The following CUL4B variants were observed in gnomAD, a reference collection of about 807,000 sequenced individuals.
CUL4B encodes the protein cullin 4B, also known as cullin-4B.
In CUL4B, 1 loss-of-function variant was observed where a neutral mutation model predicts 69.2. The observed-to-expected ratio is 0.01, with a 90% CI of 0.01 to 0.07. The LOEUF (loss-of-function observed/expected upper bound fraction) is 0.07. Ranked by LOEUF, CUL4B falls within the 10% of genes least tolerant of loss-of-function variation. The probability of loss-of-function intolerance (pLI) is 1.00; values close to 1 mark genes in which losing one functional copy is unlikely to be tolerated. For missense variants in CUL4B, 328 were observed against 638.8 expected, an observed-to-expected ratio of 0.51 and a Z score of 5.24; for synonymous variants, 237 against 223.2, an observed-to-expected ratio of 1.06 and a Z score of -0.55.
At chrX:120,547,108 T>G in intron 3 of CUL4B, 28 bp downstream of exon 3, 3 of 1,036,993 alleles carry the variant, frequency 2.9e-6, no homozygotes, top group Non-Finnish European at 4.1e-6. Flanking sequence ...ACAAAACTAT[T>G]CACGATTTTT....
At chrX:120,563,117 A>G (rs189047887), upstream of CUL4B, among the ~76,000 whole-genome samples, 28 of 112,856 alleles carry the variant, frequency 2.5e-4, no homozygotes, top group Admixed American at 2.4e-3. Flanking sequence ...ATTTGATGAC[A>G]GCCTGCTGAA....
intron 2 of CUL4B, among the ~76,000 whole-genome samples, chrX:120,553,461 C>T (rs1924799682): frequency 8.9e-6 from 1 of 112,016 alleles, no homozygotes; most frequent in Non-Finnish European, 1.9e-5. Context: ...CTACAGTTCC[C>T]ATTATTAATA....
At position 120,544,266 on chromosome X, in the gene CUL4B, T is replaced by C. The variant is rs1430523259; in HGVS notation, c.1084-63A>G. 9.1e-6 allele frequency: 8 copies of C among 876,182 alleles called. No individual in the cohort carries two copies. The African/African-American group carries it at 1.4e-4, about 15-fold the overall frequency. The allele number at this position is 876,182 out of a possible 1,213,427, so 72.2% of individuals were successfully genotyped here. ...GCAAATATTTACTAAATGTCCTCTATGTCTATGTAAACAGCATTATGAATT... is the reference window on the plus strand; with the variant it reads ...GCAAATATTTACTAAATGTCCTCTACGTCTATGTAAACAGCATTATGAATT... On this transcript the variant is annotated intron_variant, in intron 6 of 19. Coordinates refer to ENST00000371322, the MANE Select transcript of CUL4B (RefSeq NM_001079872.2).
chrX:120,572,340 C>T (rs766513783), intron 2 of CUL4B, among the ~76,000 whole-genome samples: 1 of 108,100 alleles, frequency 9.3e-6, no homozygotes, highest in Non-Finnish European at 1.9e-5. Context: ...TGGCGCATGC[C>T]TATAATCCCA....
intron 7 of CUL4B, 111 bp from the exon 8 acceptor site, chrX:120,543,920 A>T: frequency 8.1e-6 from 5 of 614,593 alleles, no homozygotes; most frequent in Non-Finnish European, 1.3e-5. Flanking sequence ...GGGTAGAATC[A>T]TATGTAAAAA....
At chrX:120,530,314 A>C in intron 18 of CUL4B, 60 bp from the exon 19 acceptor site, 1 of 1,080,481 alleles carries the variant, frequency 9.3e-7, no homozygotes, top group East Asian at 3.0e-5. Flanking sequence ...CTATTTACAT[A>C]AATTGTGCAT....
chrX:120,529,861 A>C (rs1176542479), intron 19 of CUL4B, among the ~76,000 whole-genome samples: 1 of 111,211 alleles, frequency 9.0e-6, no homozygotes. Flanking sequence ...TCAAACACTC[A>C]TTTAGCAGTT....
intron 11 of CUL4B, among the ~76,000 whole-genome samples, chrX:120,539,766 T>TA (rs1405521092): frequency 1.8e-5 from 2 of 112,329 alleles, no homozygotes; most frequent in African/African-American, 6.5e-5. Context: ...TCTTAAACAT[T>TA]ACTTTTCTAT....
intron 8 of CUL4B, among the ~76,000 whole-genome samples, 187 bp from the exon 9 acceptor site, chrX:120,543,220 G>C (rs1271082288): frequency 5.4e-5 from 6 of 110,826 alleles, no homozygotes; most frequent in Non-Finnish European, 1.1e-4. Context: ...AGACATAAAG[G>C]AACTGACAGG....
intron 2 of CUL4B, among the ~76,000 whole-genome samples, chrX:120,548,604 C>T (rs1364837115): frequency 1.8e-5 from 2 of 111,039 alleles, no homozygotes; most frequent in Admixed American, 9.6e-5. Context: ...GAGGCTGAGG[C>T]GGGTGGATCA....
intron 2 of CUL4B, among the ~76,000 whole-genome samples, chrX:120,555,144 A>C (rs1924888272): frequency 8.9e-6 from 1 of 112,484 alleles, no homozygotes; most frequent in African/African-American, 3.2e-5. Flanking sequence ...CTTACGAAGT[A>C]CAAGAAAACA....
At chrX:120,559,329 A>G (rs769318054) in intron 1 of CUL4B, among the ~76,000 whole-genome samples, 1 of 112,573 alleles carries the variant, frequency 8.9e-6, no homozygotes, top group African/African-American at 3.2e-5. Context: ...TGCTGATTTT[A>G]TATTTGCCTC....
chrX:120,547,339 T>C (rs1924399450), intron 2 of CUL4B, 100 bp from the exon 3 acceptor site: 2 of 554,242 alleles, frequency 3.6e-6, no homozygotes, highest in Non-Finnish European at 6.3e-6. Context: ...ATCAGCTTAT[T>C]AAAAAGGGTT....
chrX:120,546,247 G>A (rs956154452), intron 4 of CUL4B, among the ~76,000 whole-genome samples: 1 of 110,215 alleles, frequency 9.1e-6, no homozygotes, highest in Admixed American at 9.7e-5. Context: ...TGGGAGGGGG[G>A]CGAGGGATAA....
At chrX:120,528,014 T>C in intron 19 of CUL4B, among the ~76,000 whole-genome samples, 2 of 112,659 alleles carry the variant, frequency 1.8e-5, no homozygotes, top group South Asian at 7.3e-4. Context: ...GGACACAGAA[T>C]ACTAGTTTTG....
At chrX:120,550,535 C>T (rs889773619) in intron 2 of CUL4B, among the ~76,000 whole-genome samples, 1 of 111,368 alleles carries the variant, frequency 9.0e-6, no homozygotes, top group Admixed American at 9.6e-5. Context: ...GACAGAGTCC[C>T]AAAGACCCAC....
chrX:120,535,704 CAAAAAAAAA>C lies in CUL4B; in HGVS notation c.2160+117_2160+125del, dbSNP rs71820203. ...CTGGTGACAGAGTGAGACTCTGTCT[CAAAAAAAAA>C]AAAAAAAAAAAAAAAGAAGAAAACA... is the stretch of plus-strand genomic sequence containing the variant. On this transcript the variant is annotated intron_variant, in intron 16 of 19. Transcript: ENST00000371322. 2.1e-4 allele frequency: 40 copies of C among 189,759 alleles called. No individual in the cohort carries two copies. In the African/African-American group the frequency reaches 3.1e-3, roughly 15 times the overall value. 15.6% of individuals were successfully genotyped at this position (189,759 alleles called of 1,213,427 possible).
chrX:120,557,875 C>T (rs1484778528), intron 2 of CUL4B, 49 bp downstream of exon 2: 1 of 853,201 alleles, frequency 1.2e-6, no homozygotes, highest in Non-Finnish European at 1.7e-6. Context: ...CATATACATC[C>T]CACCTCAATT....
At chrX:120,529,324 T>C (rs1923180676) in intron 19 of CUL4B, among the ~76,000 whole-genome samples, 1 of 112,007 alleles carries the variant, frequency 8.9e-6, no homozygotes, top group South Asian at 3.7e-4. Context: ...TTTACATTCA[T>C]GATCTCACTT....
Sources: gnomAD v4.1 joint callset for allele counts (sites outside exome capture counted in the v4.1 genomes callset) on GRCh38, gnomAD v4.1.1 for gene constraint, MANE v1.5 for transcripts, NCBI Gene and HGNC (gene_info 2026-07-23, HGNC 2026-07-21) for gene names.